The following ELAVL3 variants were observed in gnomAD, a reference collection of about 807,000 sequenced individuals.
The protein encoded by ELAVL3 is ELAV like RNA binding protein 3, also known as ELAV-like protein 3.
Under a neutral mutation model 34.2 loss-of-function variants are expected in ELAVL3, and 8 were observed. The observed-to-expected ratio is 0.23, with a 90% CI of 0.14 to 0.42. The LOEUF is 0.42. Among genes scored for constraint, ELAVL3 ranks in the 10% least tolerant of loss-of-function variants. ELAVL3 has a pLI of 1.00. For missense variants in ELAVL3, 273 were observed against 518.8 expected (o/e 0.53, Z 4.60); for synonymous variants, 209 against 222.1 (o/e 0.94, Z 0.53).
intron 1 of ELAVL3, among the ~76,000 whole-genome samples, chr19:11,473,955 G>T (rs1052642901): frequency 6.6e-6 from 1 of 152,192 alleles, no homozygotes; most frequent in Non-Finnish European, 1.5e-5. Context: ...GGTTAGTTAC[G>T]TCTGTCATGG....
At position 11,480,721 on chromosome 19, in the gene ELAVL3, G is replaced by T. The variant is rs116628351; in HGVS notation, c.-113C>A. On this transcript the variant is annotated 5_prime_UTR_variant, in exon 1 of 7. Coordinates refer to ENST00000359227, the MANE Select transcript of ELAVL3 (RefSeq NM_001420.4). This position sits in a 1 kb window ranked among gnomAD's most constrained non-coding sequence, Gnocchi z 6.8. ...GTCCCGCCCGGGCGGCCTCTGGTGC[G>T]GCCGCTGCAGATGTGGCGATGAAGG... 8,318 of 1,067,282 alleles carry T rather than the reference G, an allele frequency of 7.8e-3. 456 individuals carry two copies. The African/African-American group carries it at 0.12, about 16-fold the overall frequency. 66.1% of individuals were successfully genotyped at this position (1,067,282 alleles called of 1,614,324 possible). A position where few individuals can be genotyped will look rare whatever the true frequency, so the allele number is the denominator to read the frequency against.
At chr19:11,460,546 C>G (rs965659003) in intron 3 of ELAVL3, among the ~76,000 whole-genome samples, 2 of 152,084 alleles carry the variant, frequency 1.3e-5, no homozygotes, top group Non-Finnish European at 2.9e-5. Context: ...TACTTCCTGC[C>G]CCAATTACTG....
chr19:11,477,779 G>A (rs1021503333), intron 1 of ELAVL3, among the ~76,000 whole-genome samples: 1 of 147,444 alleles, frequency 6.8e-6, no homozygotes, highest in South Asian at 2.1e-4. Context: ...TGAAACCTCT[G>A]CCTCCCGGGT....
At chr19:11,457,976 C>T (rs1970804560) in intron 5 of ELAVL3, 85 bp downstream of exon 5, 2 of 1,450,394 alleles carry the variant, frequency 1.4e-6, no homozygotes, top group Non-Finnish European at 9.5e-7. Flanking sequence ...CCCGGCATCC[C>T]TCCCTTCGGC....
At chr19:11,459,757 G>A (rs1250267523) in intron 3 of ELAVL3, among the ~76,000 whole-genome samples, 2 of 151,906 alleles carry the variant, frequency 1.3e-5, no homozygotes, top group Admixed American at 1.3e-4. Context: ...TGTTGCCCAG[G>A]CTAAATGCAG....
In ELAVL3 at chr19:11,480,314, A is replaced by C; in HGVS notation, c.9+286T>G. ...CCTTAGCCGCCGCGGCCCCTCCCCC[A>C]TCAGGCCTGCTGGAGAGGGGGCAAT... On this transcript the variant is annotated intron_variant, in intron 1 of 6. Coordinates refer to ENST00000359227, the MANE Select transcript of ELAVL3 (RefSeq NM_001420.4). The surrounding 1 kb of genome is among the most constrained non-coding windows in gnomAD (Gnocchi z 6.8). 2.7e-6 allele frequency: 1 copy of C among 364,168 alleles called. No homozygotes were observed. The highest frequency in any genetic ancestry group is 4.9e-6 in the Non-Finnish European group (1 of 203,640). 22.6% of individuals were successfully genotyped at this position (364,168 alleles called of 1,614,324 possible). A position where few individuals can be genotyped will look rare whatever the true frequency, so the allele number is the denominator to read the frequency against.
chr19:11,464,765 CACACCACACACAT>C (rs2144892506), intron 3 of ELAVL3, among the ~76,000 whole-genome samples: 1 of 135,402 alleles, frequency 7.4e-6, no homozygotes, highest in Admixed American at 7.7e-5. Flanking sequence ...ACACATCACA[CACACCACACACAT>C]ACACCACACA....
intron 5 of ELAVL3, 95 bp downstream of exon 5, chr19:11,457,966 C>T: frequency 7.3e-6 from 10 of 1,368,816 alleles, no homozygotes; most frequent in Non-Finnish European, 1.0e-5. Context: ...TGCGCACCCT[C>T]CCGGCATCCC....
chr19:11,455,299 A>ATT (rs566267500), intron 6 of ELAVL3, among the ~76,000 whole-genome samples: 48 of 123,010 alleles, frequency 3.9e-4, no homozygotes, highest in African/African-American at 5.0e-4. Flanking sequence ...TGCCCCACTA[A>ATT]TTTTTTTTTT....
At position 11,466,513 on chromosome 19, in the gene ELAVL3, C is replaced by A. The variant is rs1971055285; in HGVS notation, c.229+95G>T. ...AGACCACCTCCTGCCTCGATTACCC[C>A]CGAGACACCTCAGCAAGGGTCCCAC... On this transcript the variant is annotated intron_variant, in intron 2 of 6. Transcript: ENST00000359227. The surrounding 1 kb of genome is among the most constrained non-coding windows in gnomAD (Gnocchi z 5.0). 1.4e-6 allele frequency: 2 copies of A among 1,413,232 alleles called. No homozygotes were observed. The highest frequency in any genetic ancestry group is 2.0e-6 in the Non-Finnish European group (2 of 1,017,898). The allele number at this position is 1,413,232 out of a possible 1,614,324, so 87.5% of individuals were successfully genotyped here.
At chr19:11,473,356 C>T (rs1971204047) in intron 1 of ELAVL3, among the ~76,000 whole-genome samples, 1 of 152,098 alleles carries the variant, frequency 6.6e-6, no homozygotes, top group African/African-American at 2.4e-5. Context: ...CAGAGCGAGA[C>T]TCCCTCTCAA....
At position 11,464,683 on chromosome 19, in the gene ELAVL3, A is replaced by C. The variant is rs1453256366; in HGVS notation, c.333+1489T>G. On this transcript the variant is annotated intron_variant, in intron 3 of 6. Coordinates refer to ENST00000359227, the MANE Select transcript of ELAVL3 (RefSeq NM_001420.4). Reference sequence around the variant, plus strand: ...ACACACATACACACATCACACACACACCCCCCACACACATACACCACACAC... The same window carrying C: ...ACACACATACACACATCACACACACCCCCCCCACACACATACACCACACAC... Among the ~76,000 whole-genome samples, 19 of 113,338 alleles carry C rather than the reference A, an allele frequency of 1.7e-4. No individual in the cohort carries two copies. The South Asian group carries it at 2.2e-3, about 13-fold the overall frequency. The allele number at this position is 113,338 out of a possible 152,430, so 74.4% of individuals were successfully genotyped here. A position where few individuals can be genotyped will look rare whatever the true frequency, so the allele number is the denominator to read the frequency against.
In ELAVL3 at chr19:11,454,760, G is replaced by A. The variant is rs1251677042; in HGVS notation, c.870C>T (p.Asn290=). Reference sequence around the variant, plus strand: ...CGCTCTCGTCTGCCTCCGGTGACAGGTTGTACACGAAGATGCACCAGCCGG... The same window carrying A: ...CGCTCTCGTCTGCCTCCGGTGACAGATTGTACACGAAGATGCACCAGCCGG... The part of the protein sequence containing the change: ...AGAGWCIFVY[N]LSPEADESVL... Residue 290 remains asparagine, a synonymous_variant, in exon 7 of 7, where the codon AAC becomes AAT. Coordinates refer to ENST00000359227, the MANE Select transcript of ELAVL3 (RefSeq NM_001420.4). The surrounding 1 kb of genome is among the most constrained non-coding windows in gnomAD (Gnocchi z 9.2). 2 of 1,613,948 alleles carry A rather than the reference G, an allele frequency of 1.2e-6. No homozygotes were observed. Among genetic ancestry groups the A allele is most frequent in the Non-Finnish European group, 1.7e-6 (2 of 1,180,006 alleles).
chr19:11,456,804 C>T (rs1161725115), intron 6 of ELAVL3, among the ~76,000 whole-genome samples: 1 of 152,124 alleles, frequency 6.6e-6, no homozygotes, highest in Non-Finnish European at 1.5e-5. Flanking sequence ...GCCTGAACTA[C>T]AGGCATGCAC....
At position 11,480,671 on chromosome 19, in the gene ELAVL3, G is replaced by C. The variant is rs1181314198; in HGVS notation, c.-63C>G. The stretch of plus-strand genomic sequence containing the variant: ...GGCTCCGGGGGTGGTGCACTCCTAG[G>C]GGGGCGCCCGATGCTCACGCTGGGG... On this transcript the variant is annotated 5_prime_UTR_variant, in exon 1 of 7. Transcript: ENST00000359227. This position sits in a 1 kb window ranked among gnomAD's most constrained non-coding sequence, Gnocchi z 6.8. 4.4e-6 allele frequency: 6 copies of C among 1,354,692 alleles called. No individual in the cohort carries two copies. Among genetic ancestry groups the C allele is most frequent in the Admixed American group, 3.0e-5 (1 of 33,336 alleles). The allele number at this position is 1,354,692 out of a possible 1,614,324, so 83.9% of individuals were successfully genotyped here.
intron 1 of ELAVL3, among the ~76,000 whole-genome samples, chr19:11,476,919 A>G (rs1971273557): frequency 6.6e-6 from 1 of 151,960 alleles, no homozygotes; most frequent in Non-Finnish European, 1.5e-5. Flanking sequence ...AAAATAAAAT[A>G]AAAAATAAAA....
At chr19:11,464,057 G>A (rs1478108650) in intron 3 of ELAVL3, among the ~76,000 whole-genome samples, 1 of 147,942 alleles carries the variant, frequency 6.8e-6, no homozygotes, top group East Asian at 2.0e-4. Context: ...TAAATACACA[G>A]ATGCACTTGA....
rs150044340 is a variant in ELAVL3 at position 11,458,632 on chromosome 19, G to C, written c.334-21C>G. ...GACACCTGGGTGAGGGGGTCAGATG[G>C]ACAGGGGTGAGGCAGAGACCCATTT... On this transcript the variant is annotated intron_variant, in intron 3 of 6. Transcript: ENST00000359227. This position sits in a 1 kb window ranked among gnomAD's most constrained non-coding sequence, Gnocchi z 7.3. 2,874 of 1,612,436 alleles carry C rather than the reference G, an allele frequency of 1.8e-3. 17 individuals carry two copies. Among genetic ancestry groups the C allele is most frequent in the Non-Finnish European group, 2.0e-3 (2,395 of 1,179,782 alleles).
intron 1 of ELAVL3, among the ~76,000 whole-genome samples, chr19:11,468,370 T>A (rs1971097607): frequency 2.0e-5 from 3 of 152,102 alleles, no homozygotes; most frequent in Admixed American, 1.3e-4. Flanking sequence ...ATTTTTCTTG[T>A]CATTTCAGGG....
Sources: allele counts gnomAD v4.1 joint callset (sites outside exome capture counted in the v4.1 genomes callset), GRCh38; gene constraint gnomAD v4.1.1; non-coding constraint Gnocchi (gnomAD v3.1); transcripts MANE v1.5; gene names NCBI Gene and HGNC (gene_info 2026-07-23, HGNC 2026-07-21).